The following CLTC variants were observed in gnomAD, a reference collection of about 807,000 sequenced individuals.
CLTC encodes the protein clathrin heavy chain 1.
In CLTC, 16 loss-of-function variants were observed where a neutral mutation model predicts 195.8. The observed-to-expected ratio is 0.08, with a 90% CI of 0.06 to 0.12. The LOEUF (loss-of-function observed/expected upper bound fraction) is 0.12, where lower values mean the gene tolerates loss of function less well. Ranked by LOEUF, CLTC falls within the 10% of genes least tolerant of loss-of-function variation. The pLI is 1.00. For synonymous variants in CLTC, 667 were observed against 689.4 expected (o/e 0.97, Z 0.51); for missense variants, 796 against 2,027.0 (o/e 0.39, Z 11.66).
At chr17:59,679,307 C>A in intron 17 of CLTC, 90 bp from the exon 18 acceptor site, 1 of 1,045,928 alleles carries the variant, frequency 9.6e-7, no homozygotes, top group East Asian at 2.7e-5. Flanking sequence ...TATCAATAAA[C>A]ATAGTTTAAA....
At chr17:59,634,553 T>C (rs1485393958) in intron 1 of CLTC, among the ~76,000 whole-genome samples, 1 of 152,228 alleles carries the variant, frequency 6.6e-6, no homozygotes, top group Non-Finnish European at 1.5e-5. Context: ...AAGCTAATAA[T>C]AGTCTGACAA....
In CLTC at chr17:59,666,103, A is replaced by C. The variant is rs1222344629; in HGVS notation, c.1645A>C (p.Ile549Leu). The change falls in exon 11 of 32, where the codon ATT becomes CTT. Residue 549 changes from isoleucine to leucine, a missense_variant and splice_region_variant. Transcript: ENST00000269122. This position sits in a 1 kb window ranked among gnomAD's most constrained non-coding sequence, Gnocchi z 4.9. ...ATTTCTTTTAAATCTTTTTTTGTAGATTGTAGATGTCTTTATGGAATACAA... is the reference window on the plus strand; with the variant it reads ...ATTTCTTTTAAATCTTTTTTTGTAGCTTGTAGATGTCTTTATGGAATACAA... ...DEEPLADITQ[I>L]VDVFMEYNLI... 2 of 1,594,654 alleles carry C rather than the reference A, an allele frequency of 1.3e-6. No homozygotes were observed. Among genetic ancestry groups the C allele is most frequent in the Non-Finnish European group, 8.6e-7 (1 of 1,165,730 alleles).
In CLTC at chr17:59,666,654, T is replaced by C. The variant is rs2143556039; in HGVS notation, c.1947+10T>C. On this transcript the variant is annotated intron_variant, in intron 12 of 31. Coordinates refer to ENST00000269122, the MANE Select transcript of CLTC (RefSeq NM_004859.4). This position sits in a 1 kb window ranked among gnomAD's most constrained non-coding sequence, Gnocchi z 4.9. Reference sequence around the variant, plus strand: ...TCTTCTTAACCCTGAGGTATTTCAGTTTCTTACCTAATAGATGGTGTTAGT... The same window carrying C: ...TCTTCTTAACCCTGAGGTATTTCAGCTTCTTACCTAATAGATGGTGTTAGT... 1 of 1,605,954 alleles carries C rather than the reference T, an allele frequency of 6.2e-7. No homozygotes were observed. Among genetic ancestry groups the C allele is most frequent in the African/African-American group, 1.3e-5 (1 of 74,850 alleles).
intron 13 of CLTC, among the ~76,000 whole-genome samples, chr17:59,667,235 G>T (rs143897134): frequency 5.1e-4 from 77 of 152,254 alleles, no homozygotes; most frequent in African/African-American, 1.7e-3. Context: ...ATGTAGTGGT[G>T]TTGAAATTGT....
chr17:59,679,080 ACATTTATGTACATACATATGCT>A (rs1448689568), intron 17 of CLTC, among the ~76,000 whole-genome samples: 5 of 152,232 alleles, frequency 3.3e-5, no homozygotes, highest in African/African-American at 1.2e-4. Flanking sequence ...GGGCTTAGTT[ACATTTATGTACATACATATGCT>A]CATTTATGTA....
At chr17:59,646,605 T>A (rs1267136133) in intron 2 of CLTC, among the ~76,000 whole-genome samples, 1 of 152,216 alleles carries the variant, frequency 6.6e-6, no homozygotes, top group African/African-American at 2.4e-5. Context: ...TATTAATTTA[T>A]ACCAAATCAC....
At chr17:59,641,680 C>T (rs1332468182) in intron 1 of CLTC, among the ~76,000 whole-genome samples, 2 of 144,924 alleles carry the variant, frequency 1.4e-5, no homozygotes, top group Non-Finnish European at 3.0e-5. Context: ...TAAAGTATAT[C>T]TATTCCACAT....
At chr17:59,668,716 TG>T (rs2032784480) in intron 13 of CLTC, 60 bp from the exon 14 acceptor site, 3 of 1,409,904 alleles carry the variant, frequency 2.1e-6, no homozygotes, top group African/African-American at 1.5e-5. Context: ...ATTACATAAA[TG>T]TTTTTCAGTC....
chr17:59,636,115 C>A (rs1000336574), intron 1 of CLTC, among the ~76,000 whole-genome samples: 2 of 147,566 alleles, frequency 1.4e-5, no homozygotes, highest in Non-Finnish European at 3.0e-5. Flanking sequence ...GCCTGGGCAA[C>A]AAGAGCGAAA....
At chr17:59,668,716 T>C in intron 13 of CLTC, 61 bp from the exon 14 acceptor site, 1 of 1,410,020 alleles carries the variant, frequency 7.1e-7, no homozygotes, top group Non-Finnish European at 9.6e-7. Context: ...ATTACATAAA[T>C]GTTTTTCAGT....
intron 1 of CLTC, among the ~76,000 whole-genome samples, chr17:59,630,441 T>C (rs2031679430): frequency 6.6e-6 from 1 of 152,198 alleles, no homozygotes; most frequent in Admixed American, 6.5e-5. Flanking sequence ...ATAACAAAAT[T>C]AACCATTTTA....
At position 59,683,823 on chromosome 17, in the gene CLTC, C is replaced by T. The variant is rs947516949; in HGVS notation, c.4324-52C>T. The T allele has an allele frequency of 2.5e-6, 4 of 1,611,326 alleles. No homozygotes were observed. The highest frequency in any genetic ancestry group is 2.7e-5 in the African/African-American group (2 of 74,792). ...TAGGACATACTTCGATAACTTTTGT[C>T]CCTGGGACTTCAATAATGTGCTATA... On this transcript the variant is annotated intron_variant, in intron 27 of 31. Transcript: ENST00000269122. This position sits in a 1 kb window ranked among gnomAD's most constrained non-coding sequence, Gnocchi z 6.1.
intron 8 of CLTC, among the ~76,000 whole-genome samples, chr17:59,663,078 A>G (rs1198899820): frequency 6.6e-6 from 1 of 152,104 alleles, no homozygotes; most frequent in Admixed American, 6.5e-5. Context: ...TCAACTATTC[A>G]TTAGCATGTT....
chr17:59,648,851 A>G lies in CLTC; in HGVS notation c.681+450A>G, dbSNP rs1226332989. On this transcript the variant is annotated intron_variant, in intron 4 of 31. Coordinates refer to ENST00000269122, the MANE Select transcript of CLTC (RefSeq NM_004859.4). The surrounding 1 kb of genome is among the most constrained non-coding windows in gnomAD (Gnocchi z 4.5). ...GCTGGGACTACAGGCATGTGCCACC[A>G]TGCCTGGCTAAATTTTGTATTTTTG... Among the ~76,000 whole-genome samples, 1 of 152,148 alleles carries G rather than the reference A, an allele frequency of 6.6e-6. No individual in the cohort carries two copies. Among genetic ancestry groups the G allele is most frequent in the Non-Finnish European group, 1.5e-5 (1 of 68,024 alleles).
intron 17 of CLTC, among the ~76,000 whole-genome samples, chr17:59,678,420 T>A (rs2033012264): frequency 6.6e-6 from 1 of 152,176 alleles, no homozygotes; most frequent in African/African-American, 2.4e-5. Context: ...AAAATGAAAA[T>A]TTTTCAAACT....
chr17:59,642,255 CTGTGGTTTGCTTCCTTT>C (rs1448172747), intron 1 of CLTC, among the ~76,000 whole-genome samples: 8 of 152,090 alleles, frequency 5.3e-5, no homozygotes, highest in Non-Finnish European at 1.2e-4. Flanking sequence ...TTAGTAGTGT[CTGTGGTTTGCTTCCTTT>C]TGTGGTTTTG....
At chr17:59,663,772 A>G in intron 8 of CLTC, 70 bp from the exon 9 acceptor site, 2 of 1,301,984 alleles carry the variant, frequency 1.5e-6, no homozygotes, top group Non-Finnish European at 1.1e-6. Context: ...CTTATAGTGG[A>G]CATAGTGTCA....
At chr17:59,655,433 G>T (rs1356808384) in intron 5 of CLTC, among the ~76,000 whole-genome samples, 1 of 152,214 alleles carries the variant, frequency 6.6e-6, no homozygotes, top group Non-Finnish European at 1.5e-5. Context: ...TAATGAAAAG[G>T]TTTGAAATAT....
rs773419033 is a variant in CLTC at position 59,683,687 on chromosome 17, G to A, written c.4254G>A (p.Leu1418=). The A allele has an allele frequency of 6.2e-7, 1 of 1,614,162 alleles. No homozygotes were observed. Among genetic ancestry groups the A allele is most frequent in the Non-Finnish European group, 8.5e-7 (1 of 1,180,016 alleles). The change falls in exon 27 of 32, where the codon TTG becomes TTA. Residue 1418 remains leucine (L), a synonymous_variant. Transcript: ENST00000269122. The surrounding 1 kb of genome is among the most constrained non-coding windows in gnomAD (Gnocchi z 6.1). ...IQFYLEFKPL[L]LNDLLMVLSP... ...TCTACTTAGAATTCAAGCCTCTGTT[G>A]TTAAATGATTTGCTGATGGTGCTGT...
Sources: allele counts gnomAD v4.1 joint callset (sites outside exome capture counted in the v4.1 genomes callset), GRCh38; gene constraint gnomAD v4.1.1; non-coding constraint Gnocchi (gnomAD v3.1); transcripts MANE v1.5; gene names NCBI Gene and HGNC (gene_info 2026-07-23, HGNC 2026-07-21).